The following PPM1L variants were observed in gnomAD, a reference collection of about 807,000 sequenced individuals.
PPM1L encodes the protein protein phosphatase 1L.
Under a neutral mutation model 31.4 loss-of-function variants are expected in PPM1L, and 13 were observed. That is an observed-to-expected ratio of 0.41 (90% CI 0.27 to 0.66). The LOEUF (loss-of-function observed/expected upper bound fraction) is 0.66, where lower values mean the gene tolerates loss of function less well. PPM1L is among the 30% of genes least tolerant of loss of function. The pLI, the probability that PPM1L is intolerant of heterozygous loss-of-function variation, is 0.29. For synonymous variants in PPM1L, 184 were observed against 175.4 expected, an observed-to-expected ratio of 1.05 and a Z score of -0.39; for missense variants, 326 against 453.7, an observed-to-expected ratio of 0.72 and a Z score of 2.56.
At chr3:161,052,210 C>T (rs150399590) in intron 2 of PPM1L, among the ~76,000 whole-genome samples, 1,928 of 152,312 alleles carry the variant, frequency 0.013, 50 homozygotes, top group African/African-American at 0.044. Context: ...TTAGGCTATT[C>T]CCAGGAAAGC....
intron 1 of PPM1L, among the ~76,000 whole-genome samples, chr3:160,957,744 T>A (rs1715823638): frequency 1.3e-5 from 2 of 151,908 alleles, no homozygotes; most frequent in African/African-American, 4.8e-5. Context: ...GCCTGGCTAA[T>A]TTTTTGTATT....
chr3:160,903,689 A>T (rs1268495245), intron 1 of PPM1L, among the ~76,000 whole-genome samples: 1 of 152,074 alleles, frequency 6.6e-6, no homozygotes, highest in Non-Finnish European at 1.5e-5. Flanking sequence ...GATCTACCAC[A>T]TACCAGGCAC....
intron 2 of PPM1L, among the ~76,000 whole-genome samples, chr3:161,063,553 T>C (rs978294706): frequency 6.7e-6 from 1 of 149,846 alleles, no homozygotes; most frequent in African/African-American, 2.5e-5. Flanking sequence ...AGTGTTGTTG[T>C]TTTTTTTTCT....
intron 2 of PPM1L, among the ~76,000 whole-genome samples, chr3:161,016,015 C>A (rs1293710679): frequency 6.6e-6 from 1 of 152,134 alleles, no homozygotes; most frequent in African/African-American, 2.4e-5. Context: ...TGAGAACAGT[C>A]CTGCTGTCAA....
intron 1 of PPM1L, among the ~76,000 whole-genome samples, chr3:160,826,970 A>C (rs747077455): frequency 3.3e-5 from 5 of 152,188 alleles, no homozygotes; most frequent in Non-Finnish European, 7.3e-5. Flanking sequence ...AGGGCCAAGG[A>C]AAGAAAAGCA....
At chr3:160,766,584 G>A (rs912658832) in intron 1 of PPM1L, among the ~76,000 whole-genome samples, 1 of 152,056 alleles carries the variant, frequency 6.6e-6, no homozygotes, top group Non-Finnish European at 1.5e-5. Flanking sequence ...GGCCTCCCCA[G>A]CCATGTGGAA....
chr3:161,064,010 G>A (rs1296257388), intron 2 of PPM1L, among the ~76,000 whole-genome samples: 1 of 151,902 alleles, frequency 6.6e-6, no homozygotes, highest in African/African-American at 2.4e-5. Flanking sequence ...CACACACCAG[G>A]GTCTGTCAGG....
At chr3:160,767,482 G>A (rs1189257608) in intron 1 of PPM1L, among the ~76,000 whole-genome samples, 2 of 152,022 alleles carry the variant, frequency 1.3e-5, no homozygotes, top group Non-Finnish European at 2.9e-5. Flanking sequence ...TGATCCACCC[G>A]CCTCGGCCTC....
chr3:160,934,898 A>G (rs1303133207), intron 1 of PPM1L, among the ~76,000 whole-genome samples: 1 of 152,006 alleles, frequency 6.6e-6, no homozygotes, highest in Non-Finnish European at 1.5e-5. Context: ...CAGTGAGCTG[A>G]GATTGTGCCA....
At chr3:161,007,237 C>T (rs916922441) in intron 2 of PPM1L, among the ~76,000 whole-genome samples, 5 of 152,114 alleles carry the variant, frequency 3.3e-5, no homozygotes, top group Non-Finnish European at 5.9e-5. Flanking sequence ...AAAAGATGAG[C>T]GGGGCAAGGA....
intron 1 of PPM1L, among the ~76,000 whole-genome samples, chr3:160,832,703 A>C (rs1048451942): frequency 1.3e-5 from 2 of 152,184 alleles, no homozygotes; most frequent in Non-Finnish European, 2.9e-5. Context: ...CATTGGTGCA[A>C]TAATGTTAAC....
chr3:160,986,278 A>T (rs1165842673), intron 2 of PPM1L, among the ~76,000 whole-genome samples: 2 of 152,156 alleles, frequency 1.3e-5, no homozygotes, highest in Admixed American at 6.6e-5. Flanking sequence ...ATGCTGGAGA[A>T]TGAAGGAAGG....
At position 160,808,416 on chromosome 3, in the gene PPM1L, T is replaced by TGTGTGTGTGCGTGC. The variant is rs1553808362; in HGVS notation, c.399+51716_399+51717insTGCGTGCGTGTGTG. On this transcript the variant is annotated intron_variant, in intron 1 of 3. Coordinates refer to ENST00000498165, the MANE Select transcript of PPM1L (RefSeq NM_139245.4). The stretch of plus-strand genomic sequence containing the variant: ...GTGTGTGTGTGTGTGTGTGTGTGTG[T>TGTGTGTGTGCGTGC]GTGTGTGGTGGGTGAGGGAAGCTGG... 7.0e-5 allele frequency among the ~76,000 whole-genome samples: 9 copies of TGTGTGTGTGCGTGC among 129,310 alleles called. 1 individual carries two copies. Among genetic ancestry groups the TGTGTGTGTGCGTGC allele is most frequent in the African/African-American group, 2.9e-4 (9 of 31,224 alleles). 84.8% of individuals were successfully genotyped at this position (129,310 alleles called of 152,430 possible).
At chr3:160,843,424 T>TATATA (rs1713955149) in intron 1 of PPM1L, among the ~76,000 whole-genome samples, 2 of 50,094 alleles carry the variant, frequency 4.0e-5, no homozygotes, top group African/African-American at 1.3e-4. Context: ...ATGGCAATTC[T>TATATA]TTTATATATA....
At chr3:161,013,125 A>G (rs567788095) in intron 2 of PPM1L, among the ~76,000 whole-genome samples, 184 of 152,168 alleles carry the variant, frequency 1.2e-3, no homozygotes, top group African/African-American at 4.2e-3. Context: ...TAGGGTGTCA[A>G]TTTTAGATCT....
At chr3:160,785,622 A>T (rs1711885088) in intron 1 of PPM1L, among the ~76,000 whole-genome samples, 1 of 152,166 alleles carries the variant, frequency 6.6e-6, no homozygotes, top group African/African-American at 2.4e-5. Context: ...GAAGCATGTT[A>T]TGTAAACTCT....
At chr3:160,970,745 A>C (rs1716303103) in intron 2 of PPM1L, among the ~76,000 whole-genome samples, 2 of 143,440 alleles carry the variant, frequency 1.4e-5, no homozygotes, top group Admixed American at 7.0e-5. Context: ...GGTGTGTGCT[A>C]TTGCACCTGG....
At chr3:160,936,069 AC>A (rs1250198670) in intron 1 of PPM1L, among the ~76,000 whole-genome samples, 1 of 152,006 alleles carries the variant, frequency 6.6e-6, no homozygotes, top group Non-Finnish European at 1.5e-5. Context: ...GGTCTCTCCC[AC>A]CTCTTCTGTT....
chr3:160,911,372 T>G (rs1713967909), intron 1 of PPM1L, among the ~76,000 whole-genome samples: 1 of 152,194 alleles, frequency 6.6e-6, no homozygotes, highest in Non-Finnish European at 1.5e-5. Context: ...CATAGCTGTC[T>G]AGCACTGCCA....
Sources: allele counts gnomAD v4.1 joint callset (sites outside exome capture counted in the v4.1 genomes callset), GRCh38; gene constraint gnomAD v4.1.1; transcripts MANE v1.5; gene names NCBI Gene and HGNC (gene_info 2026-07-23, HGNC 2026-07-21).